Variants in SEMA5A observed in about 807,000 individuals in gnomAD.
SEMA5A encodes semaphorin 5A.
Under a neutral mutation model 135.5 loss-of-function variants are expected in SEMA5A, and 55 were observed. The observed-to-expected ratio is 0.41, with a 90% CI of 0.33 to 0.51. The LOEUF is 0.51. Ranked by LOEUF, SEMA5A falls within the 20% of genes least tolerant of loss-of-function variation. SEMA5A has a pLI of 0.37. For missense variants in SEMA5A, 1,290 were observed against 1,419.9 expected, an observed-to-expected ratio of 0.91 and a Z score of 1.47; for synonymous variants, 580 against 546.5, an observed-to-expected ratio of 1.06 and a Z score of -0.85.
At chr5:9,311,485 T>C (rs780518376) in intron 5 of SEMA5A, among the ~76,000 whole-genome samples, 3 of 149,326 alleles carry the variant, frequency 2.0e-5, no homozygotes, top group Non-Finnish European at 4.4e-5. Context: ...CAGTAAACTA[T>C]CGCAAGGACA....
At chr5:9,330,847 G>C (rs551018725) in intron 4 of SEMA5A, among the ~76,000 whole-genome samples, 1 of 152,296 alleles carries the variant, frequency 6.6e-6, no homozygotes, top group East Asian at 1.9e-4. Context: ...CCCTAAAGTG[G>C]AGGTTCATAA....
chr5:9,391,231 C>G (rs969129625), intron 2 of SEMA5A, among the ~76,000 whole-genome samples: 1 of 152,206 alleles, frequency 6.6e-6, no homozygotes, highest in Non-Finnish European at 1.5e-5. Context: ...ACCCTGGGAC[C>G]AGAGACCTCA....
rs1735718513 is a variant in SEMA5A, at chr5:9,037,564, A to G, written c.*5333T>C. Reference sequence around the variant, plus strand: ...AATGTGTACAATGCATCTTTAATATAAGTCCATAGGAAAGGAGTATTTAAA... The same window carrying G: ...AATGTGTACAATGCATCTTTAATATGAGTCCATAGGAAAGGAGTATTTAAA... On this transcript the variant is annotated 3_prime_UTR_variant, in exon 23 of 23. Coordinates refer to ENST00000382496, the MANE Select transcript of SEMA5A (RefSeq NM_003966.3). 1 of 152,022 alleles carries G rather than the reference A, an allele frequency of 6.6e-6. No homozygotes were observed. Among genetic ancestry groups the G allele is most frequent in the East Asian group, 1.9e-4 (1 of 5,192 alleles). The allele number at this position is 152,022 out of a possible 1,614,324, so 9.4% of individuals were successfully genotyped here.
chr5:9,062,209 TG>T (rs1450933599), intron 18 of SEMA5A, among the ~76,000 whole-genome samples: 2 of 151,392 alleles, frequency 1.3e-5, no homozygotes, highest in Middle Eastern at 3.5e-3. Flanking sequence ...CATTAGGGAG[TG>T]GGGGGCCCCT....
chr5:9,123,301 A>G (rs71611360), intron 13 of SEMA5A, among the ~76,000 whole-genome samples: 2 of 141,330 alleles, frequency 1.4e-5, no homozygotes, highest in African/African-American at 2.5e-5. Flanking sequence ...AAAAGATTGC[A>G]TAAGGGAGTA....
At chr5:9,085,044 A>G (rs1434342793) in intron 16 of SEMA5A, among the ~76,000 whole-genome samples, 5 of 152,126 alleles carry the variant, frequency 3.3e-5, no homozygotes, top group Admixed American at 3.3e-4. Flanking sequence ...GATCTGTGGG[A>G]TTTTGAAGTT....
At chr5:9,475,789 A>G (rs1328930422) in intron 1 of SEMA5A, among the ~76,000 whole-genome samples, 1 of 152,220 alleles carries the variant, frequency 6.6e-6, no homozygotes, top group Non-Finnish European at 1.5e-5. Context: ...GAACCTGGCA[A>G]TTAATAAGTG....
At chr5:9,455,920 G>A (rs763756236) in intron 1 of SEMA5A, among the ~76,000 whole-genome samples, 13 of 152,160 alleles carry the variant, frequency 8.5e-5, no homozygotes, top group Non-Finnish European at 1.6e-4. Context: ...CTTCTTCTTC[G>A]GGGAAGCAGG....
chr5:9,155,152 C>T (rs1253302264), intron 11 of SEMA5A, among the ~76,000 whole-genome samples: 2 of 152,056 alleles, frequency 1.3e-5, no homozygotes, highest in Non-Finnish European at 2.9e-5. Context: ...GACTGTGATG[C>T]CCCCTCCTCC....
intron 11 of SEMA5A, among the ~76,000 whole-genome samples, chr5:9,177,546 TGACTTGGCCTTC>T (rs778128113): frequency 6.6e-6 from 1 of 152,226 alleles, no homozygotes; most frequent in Non-Finnish European, 1.5e-5. Context: ...GTCAGTGCCT[TGACTTGGCCTTC>T]GTTGAAGATT....
At chr5:9,352,822 C>T (rs1754186821) in intron 3 of SEMA5A, among the ~76,000 whole-genome samples, 1 of 152,074 alleles carries the variant, frequency 6.6e-6, no homozygotes. Context: ...CCATTGTTTA[C>T]ATATGTTCTA....
At chr5:9,444,233 A>T (rs79362613) in intron 1 of SEMA5A, among the ~76,000 whole-genome samples, 4,543 of 151,804 alleles carry the variant, frequency 0.03, 213 homozygotes, top group African/African-American at 0.1. Context: ...GTTTGGTTAC[A>T]TGAGTAAGTG....
At chr5:9,311,292 T>C (rs1752119590) in intron 5 of SEMA5A, among the ~76,000 whole-genome samples, 1 of 152,036 alleles carries the variant, frequency 6.6e-6, no homozygotes, top group South Asian at 2.1e-4. Flanking sequence ...GGTGAAATTG[T>C]CGGAAGTTGA....
intron 1 of SEMA5A, among the ~76,000 whole-genome samples, chr5:9,525,483 A>G (rs1463478522): frequency 2.0e-5 from 3 of 152,248 alleles, no homozygotes; most frequent in African/African-American, 7.2e-5. Context: ...TCTCAATGCA[A>G]CAGTTCAAGC....
intron 16 of SEMA5A, among the ~76,000 whole-genome samples, chr5:9,091,287 A>G (rs1238595783): frequency 2.0e-5 from 3 of 152,236 alleles, no homozygotes; most frequent in African/African-American, 7.2e-5. Context: ...TCAGAATTTT[A>G]AAAATCAACG....
At chr5:9,227,078 TAATA>T (rs1210777437) in intron 6 of SEMA5A, 111 bp from the exon 7 acceptor site, 1 of 431,718 alleles carries the variant, frequency 2.3e-6, no homozygotes, top group Non-Finnish European at 3.7e-6. Context: ...ACATTTTATC[TAATA>T]AATATGTAAG....
rs369859315 is a variant in SEMA5A, at chr5:9,302,831, G to T, written c.270+15541C>A. On this transcript the variant is annotated intron_variant, in intron 5 of 22. Transcript: ENST00000382496. ...AGGCTCTAAACAGCAGGAAGAAAAA[G>T]AGGCCGCTTGACAAATACTAATTAT... is the stretch of plus-strand genomic sequence containing the variant. 1.3e-4 allele frequency among the ~76,000 whole-genome samples: 20 copies of T among 152,276 alleles called. 1 individual carries two copies. The East Asian group carries it at 3.7e-3, about 28-fold the overall frequency.
intron 15 of SEMA5A, among the ~76,000 whole-genome samples, chr5:9,108,523 T>C (rs1171234740): frequency 6.6e-6 from 1 of 152,136 alleles, no homozygotes; most frequent in African/African-American, 2.4e-5. Context: ...AAACTCACAA[T>C]GCAGGATGGA....
In SEMA5A at chr5:9,473,383, T is replaced by TA. The variant is rs58137756; in HGVS notation, c.-174-35532dup. ...ATTGGCTGCATATGGCAATCAGTGG[T>TA]AAAAAAAAAAAAAAAAAAAAAGACT... On this transcript the variant is annotated intron_variant, in intron 1 of 22. Transcript: ENST00000382496. Among the ~76,000 whole-genome samples the TA allele has an allele frequency of 1.3e-4, 10 of 79,702 alleles. 1 individual carries two copies. The highest frequency in any genetic ancestry group is 2.0e-4 in the Non-Finnish European group (9 of 45,680). The allele number at this position is 79,702 out of a possible 152,430, so 52.3% of individuals were successfully genotyped here.
Sources: allele counts gnomAD v4.1 joint callset (sites outside exome capture counted in the v4.1 genomes callset), GRCh38; gene constraint gnomAD v4.1.1; transcripts MANE v1.5; gene names NCBI Gene and HGNC (gene_info 2026-07-23, HGNC 2026-07-21).